The following MAGI2 variants were observed in gnomAD, a reference collection of about 807,000 sequenced individuals.
MAGI2 encodes membrane associated guanylate kinase, WW and PDZ domain containing 2.
A neutral mutation model predicts 133.3 loss-of-function variants in MAGI2; 35 were observed. That is an observed-to-expected ratio of 0.26 (90% CI 0.20 to 0.35). The LOEUF (loss-of-function observed/expected upper bound fraction) is 0.35, where lower values mean the gene tolerates loss of function less well. MAGI2 is among the 10% of genes least tolerant of loss of function. MAGI2 has a pLI of 1.00. For synonymous variants in MAGI2, 729 were observed against 710.6 expected (o/e 1.03, Z -0.41); for missense variants, 1,636 against 1,863.4 (o/e 0.88, Z 2.25).
At chr7:78,284,021 TGCC>T (rs1472667891) in intron 9 of MAGI2, among the ~76,000 whole-genome samples, 2 of 152,050 alleles carry the variant, frequency 1.3e-5, no homozygotes, top group African/African-American at 4.8e-5. Context: ...ATTAAATAAA[TGCC>T]TCAGTACCAC....
chr7:79,187,064 G>A (rs1827237976), intron 1 of MAGI2, among the ~76,000 whole-genome samples: 1 of 151,074 alleles, frequency 6.6e-6, no homozygotes, highest in Non-Finnish European at 1.5e-5. Flanking sequence ...AAGAATTTGG[G>A]GGAAATTCTA....
intron 1 of MAGI2, among the ~76,000 whole-genome samples, chr7:79,037,542 G>C (rs943885196): frequency 6.6e-6 from 1 of 152,050 alleles, no homozygotes; most frequent in Non-Finnish European, 1.5e-5. Flanking sequence ...TTTTATGCTT[G>C]TTAATAGATC....
intron 9 of MAGI2, among the ~76,000 whole-genome samples, chr7:78,262,065 T>C (rs927809037): frequency 1.3e-5 from 2 of 152,122 alleles, no homozygotes; most frequent in African/African-American, 4.8e-5. Context: ...AATTCCCAGA[T>C]GGTCTCCTTA....
intron 1 of MAGI2, among the ~76,000 whole-genome samples, chr7:79,203,201 G>C (rs377729999): frequency 6.6e-6 from 1 of 151,696 alleles, no homozygotes; most frequent in African/African-American, 2.4e-5. Context: ...TTCTCCCTTG[G>C]GTTTTGGATA....
intron 21 of MAGI2, among the ~76,000 whole-genome samples, chr7:78,076,454 CA>C (rs55957020): frequency 2.0e-3 from 184 of 90,390 alleles, no homozygotes; most frequent in Admixed American, 2.8e-3. Flanking sequence ...GACCTTGTTT[CA>C]AAAAAAAAAA....
intron 2 of MAGI2, among the ~76,000 whole-genome samples, chr7:78,844,185 C>T (rs570439537): frequency 6.6e-6 from 1 of 151,406 alleles, no homozygotes; most frequent in Non-Finnish European, 1.5e-5. Flanking sequence ...AATAGCTTCC[C>T]TAATGAAATG....
intron 21 of MAGI2, among the ~76,000 whole-genome samples, chr7:78,070,216 TATACACACAC>T (rs1241639033): frequency 1.4e-3 from 73 of 52,066 alleles, no homozygotes; most frequent in African/African-American, 3.1e-3. Flanking sequence ...TATATATATA[TATACACACAC>T]ACACACAGAC....
At chr7:79,323,435 T>G (rs963462504) in intron 1 of MAGI2, among the ~76,000 whole-genome samples, 3 of 152,086 alleles carry the variant, frequency 2.0e-5, no homozygotes, top group African/African-American at 7.2e-5. Context: ...CAGTTTAATG[T>G]GAGAGGCGAG....
At chr7:78,410,375 G>T (rs186408063) in intron 6 of MAGI2, among the ~76,000 whole-genome samples, 11 of 151,920 alleles carry the variant, frequency 7.2e-5, no homozygotes, top group African/African-American at 2.4e-4. Flanking sequence ...GATTCTCTAC[G>T]ACACAGCTTA....
intron 2 of MAGI2, among the ~76,000 whole-genome samples, chr7:78,889,729 A>C (rs1280366541): frequency 3.3e-5 from 5 of 152,202 alleles, no homozygotes; most frequent in South Asian, 2.1e-4. Context: ...CTGAAGGAAG[A>C]ACTAAACATG....
intron 1 of MAGI2, among the ~76,000 whole-genome samples, chr7:79,264,724 C>T (rs890262079): frequency 1.2e-4 from 18 of 151,852 alleles, no homozygotes; most frequent in Non-Finnish European, 1.5e-5. Flanking sequence ...ACTCATGATT[C>T]TAATGTCAGG....
At chr7:78,731,738 C>CTCTCT (rs1156788987) in intron 2 of MAGI2, among the ~76,000 whole-genome samples, 2 of 152,116 alleles carry the variant, frequency 1.3e-5, no homozygotes, top group Non-Finnish European at 2.9e-5. Flanking sequence ...AGTGGGGGAC[C>CTCTCT]ATGACATACC....
intron 6 of MAGI2, among the ~76,000 whole-genome samples, chr7:78,387,311 A>G (rs1279549700): frequency 1.3e-5 from 2 of 152,162 alleles, no homozygotes; most frequent in Admixed American, 6.5e-5. Context: ...GAACTGTTAC[A>G]TGAACAGGTG....
intron 2 of MAGI2, among the ~76,000 whole-genome samples, chr7:78,762,489 C>A (rs1326975896): frequency 1.3e-5 from 2 of 151,584 alleles, no homozygotes; most frequent in South Asian, 2.1e-4. Context: ...GAAAAAAAAA[C>A]AAAAAACAAC....
At chr7:78,453,316 T>C (rs1285139030) in intron 6 of MAGI2, among the ~76,000 whole-genome samples, 1 of 152,168 alleles carries the variant, frequency 6.6e-6, no homozygotes, top group East Asian at 1.9e-4. Context: ...AATGATCAAC[T>C]CTTTAAGGGA....
chr7:78,558,619 A>G (rs1800065418), intron 3 of MAGI2, among the ~76,000 whole-genome samples: 1 of 152,140 alleles, frequency 6.6e-6, no homozygotes, highest in Non-Finnish European at 1.5e-5. Flanking sequence ...AGGTTCTGTG[A>G]TAATTTACAA....
chr7:78,923,049 T>C (rs965626894), intron 2 of MAGI2, among the ~76,000 whole-genome samples: 1 of 152,224 alleles, frequency 6.6e-6, no homozygotes, highest in Admixed American at 6.5e-5. Flanking sequence ...TGTTTGTTTT[T>C]TTCTTGTAAA....
chr7:78,051,959 C>T (rs1193069454), intron 21 of MAGI2, among the ~76,000 whole-genome samples: 1 of 150,604 alleles, frequency 6.6e-6, no homozygotes, highest in African/African-American at 2.4e-5. Flanking sequence ...TCAGAGCTCA[C>T]TGCCTGGGCT....
At chr7:78,168,152 T>A in intron 14 of MAGI2, 44 bp from the exon 15 acceptor site, 3 of 1,515,268 alleles carry the variant, frequency 2.0e-6, no homozygotes, top group African/African-American at 1.4e-5. Context: ...ATTTCAATCC[T>A]TTTTCCTTTT....
Sources: gnomAD v4.1 joint callset for allele counts (sites outside exome capture counted in the v4.1 genomes callset) on GRCh38, gnomAD v4.1.1 for gene constraint, MANE v1.5 for transcripts, NCBI Gene and HGNC (gene_info 2026-07-23, HGNC 2026-07-21) for gene names.